The following HMGN3 variants were observed in gnomAD, a reference collection of about 807,000 sequenced individuals.
HMGN3 encodes high mobility group nucleosomal binding domain 3.
A neutral mutation model predicts 18.8 loss-of-function variants in HMGN3; 6 were observed. The observed-to-expected ratio is 0.32, with a 90% CI of 0.18 to 0.63. The LOEUF is 0.63. Among genes scored for constraint, HMGN3 ranks in the 30% least tolerant of loss-of-function variants. HMGN3 has a pLI of 0.79. For synonymous variants in HMGN3, 40 were observed against 36.5 expected (o/e 1.10, Z -0.35); for missense variants, 107 against 114.2 (o/e 0.94, Z 0.29).
In HMGN3 at chr6:79,223,510, CAACA is replaced by C. The variant is rs1188125172; in HGVS notation, c.16-8492_16-8489del. Among the ~76,000 whole-genome samples, 8 of 152,004 alleles carry C rather than the reference CAACA, an allele frequency of 5.3e-5. No individual in the cohort carries two copies. In the South Asian group the frequency reaches 6.2e-4, roughly 12 times the overall value. ...TGGGTGACAGAGCGAGACTCTATCT[CAACA>C]AACAAACAAACACACACACAAACAA... On this transcript the variant is annotated intron_variant, in intron 1 of 5. Coordinates refer to ENST00000344726, the Ensembl canonical transcript of HMGN3.
intron 1 of HMGN3, among the ~76,000 whole-genome samples, 172 bp from the exon 2 acceptor site, chr6:79,215,194 A>C (rs1776911573): frequency 6.6e-6 from 1 of 152,262 alleles, no homozygotes; most frequent in South Asian, 2.1e-4. Flanking sequence ...GCATGCATGC[A>C]CACACACGGT....
chr6:79,229,659 C>T (rs547526671), intron 1 of HMGN3, among the ~76,000 whole-genome samples: 1 of 152,110 alleles, frequency 6.6e-6, no homozygotes, highest in South Asian at 2.1e-4. Context: ...GGGCGGATCA[C>T]GAGGTCAGGA....
chr6:79,204,994 T>C (rs934669389), intron 3 of HMGN3, among the ~76,000 whole-genome samples: 4 of 152,156 alleles, frequency 2.6e-5, no homozygotes, highest in African/African-American at 9.7e-5. Flanking sequence ...GGACAGACCT[T>C]TCCCTCTGAC....
At chr6:79,202,540 G>GT (rs1776199650) in intron 4 of HMGN3, 151 bp from the exon 5 acceptor site, 1 of 666,278 alleles carries the variant, frequency 1.5e-6, no homozygotes, top group Non-Finnish European at 2.6e-6. Context: ...ATTTTGCTGG[G>GT]TTTCAACTGA....
chr6:79,202,245 T>A (rs1431489756), intron 5 of HMGN3, 31 bp downstream of exon 5: 1 of 1,613,874 alleles, frequency 6.2e-7, no homozygotes, highest in Non-Finnish European at 8.5e-7. Context: ...AGACACTGAT[T>A]CAATCAGTGG....
At chr6:79,224,964 TA>T (rs766431131) in intron 1 of HMGN3, among the ~76,000 whole-genome samples, 3 of 152,172 alleles carry the variant, frequency 2.0e-5, no homozygotes, top group Non-Finnish European at 4.4e-5. Flanking sequence ...TTAGGACAAA[TA>T]AAATTAAAAA....
intron 2 of HMGN3, among the ~76,000 whole-genome samples, chr6:79,214,474 T>G (rs1449119392): frequency 6.6e-6 from 1 of 152,200 alleles, no homozygotes; most frequent in Non-Finnish European, 1.5e-5. Context: ...ATGCTGGGAT[T>G]ACAGGCGTGA....
chr6:79,232,662 G>A (rs560552503), intron 1 of HMGN3, among the ~76,000 whole-genome samples: 1 of 151,890 alleles, frequency 6.6e-6, no homozygotes, highest in South Asian at 2.1e-4. Context: ...AAGAATAATG[G>A]TTTCAGCAGC....
At chr6:79,234,051 C>T (rs1778012732) in intron 1 of HMGN3, 1 of 154,162 alleles carries the variant, frequency 6.5e-6, no homozygotes, top group Non-Finnish European at 1.4e-5. Context: ...ATGGCTTTCT[C>T]TTTCCCTTAG....
At chr6:79,213,740 C>G (rs1776814886) in intron 2 of HMGN3, among the ~76,000 whole-genome samples, 1 of 152,178 alleles carries the variant, frequency 6.6e-6, no homozygotes, top group Non-Finnish European at 1.5e-5. Context: ...AGATTTTCCA[C>G]TTGGCAGAAT....
chr6:79,217,364 C>T (rs9343886), intron 1 of HMGN3, among the ~76,000 whole-genome samples: 142,417 of 152,246 alleles, frequency 0.94, 66,791 homozygotes, highest in East Asian at 1. Flanking sequence ...AGAAGCTGTA[C>T]GATCTGGGAC....
At chr6:79,202,856 G>T (rs183543976) in intron 4 of HMGN3, among the ~76,000 whole-genome samples, 14 of 152,318 alleles carry the variant, frequency 9.2e-5, no homozygotes, top group Admixed American at 7.8e-4. Context: ...GCAGGGAAAT[G>T]AAGCCCAGAT....
chr6:79,215,907 A>G (rs1006134486), intron 1 of HMGN3, among the ~76,000 whole-genome samples: 1 of 152,218 alleles, frequency 6.6e-6, no homozygotes, highest in Non-Finnish European at 1.5e-5. Context: ...CTCAGTCTCT[A>G]TGGCACAAAT....
At chr6:79,201,510 A>G in exon 6 of HMGN3, 1 of 554,332 alleles carries the variant, frequency 1.8e-6, no homozygotes, top group Non-Finnish European at 3.2e-6. Context: ...TTACTTGAGG[A>G]TGATGTAAAT....
intron 3 of HMGN3, among the ~76,000 whole-genome samples, chr6:79,207,309 T>A (rs1776469507): frequency 6.6e-6 from 1 of 152,142 alleles, no homozygotes; most frequent in Admixed American, 6.5e-5. Flanking sequence ...CCATGTGTCA[T>A]GGGAGGAACC....
At chr6:79,206,374 C>T (rs571723563) in intron 3 of HMGN3, among the ~76,000 whole-genome samples, 1 of 152,250 alleles carries the variant, frequency 6.6e-6, no homozygotes, top group East Asian at 1.9e-4. Context: ...TCTGTGCAGT[C>T]TAGGGACTTG....
intron 5 of HMGN3, chr6:79,202,130 T>C (rs1332675683): frequency 6.4e-7 from 1 of 1,554,194 alleles, no homozygotes; most frequent in Non-Finnish European, 8.7e-7. Context: ...GGTTGAGACA[T>C]TAACAGTTGA....
chr6:79,216,829 C>T (rs1266610068), intron 1 of HMGN3, among the ~76,000 whole-genome samples: 4 of 152,206 alleles, frequency 2.6e-5, no homozygotes, highest in African/African-American at 9.7e-5. Context: ...GGCCACACAA[C>T]AGACCCTTGG....
At chr6:79,208,298 G>A (rs150777759) in intron 3 of HMGN3, among the ~76,000 whole-genome samples, 132 of 152,260 alleles carry the variant, frequency 8.7e-4, no homozygotes, top group African/African-American at 3.1e-3. Flanking sequence ...CAGAGATCTA[G>A]CAATGTCAAA....
Sources: gnomAD v4.1 joint callset for allele counts (sites outside exome capture counted in the v4.1 genomes callset) on GRCh38, gnomAD v4.1.1 for gene constraint, MANE v1.5 for transcripts, NCBI Gene and HGNC (gene_info 2026-07-23, HGNC 2026-07-21) for gene names.